SH3BP4: variants seen among roughly 807,000 people sequenced by gnomAD.
SH3BP4 encodes the protein SH3 domain binding protein 4.
A neutral mutation model predicts 65.5 loss-of-function variants in SH3BP4; 33 were observed. The ratio of observed to expected loss-of-function variants is 0.50; its 90% CI spans 0.38 to 0.67. The LOEUF (loss-of-function observed/expected upper bound fraction) is 0.67. Ranked by LOEUF, SH3BP4 falls within the 30% of genes least tolerant of loss-of-function variation. The pLI is 0.00. For missense variants in SH3BP4, 1,134 were observed against 1,261.4 expected (o/e 0.90, Z 1.53); for synonymous variants, 552 against 545.5 (o/e 1.01, Z -0.17).
At position 235,053,708 on chromosome 2, in the gene SH3BP4, C is replaced by G. The variant is rs1574855714; in HGVS notation, c.2784C>G (p.Ile928Met). 6.2e-7 allele frequency: 1 copy of G among 1,614,206 alleles called. No individual in the cohort carries two copies. Among genetic ancestry groups the G allele is most frequent in the African/African-American group, 1.3e-5 (1 of 75,066 alleles). ...HLGLDKMKNP[I>M]TKRWKHLTGT... is the part of the protein sequence containing the mutation. ...GCCTGGACAAGATGAAAAACCCCAT[C>G]ACCAAGCGCTGGAAGCACCTCACTG... The change falls in exon 6 of 6, where the codon ATC (isoleucine) becomes ATG (methionine). Residue 928 changes from isoleucine (I) to methionine (M), a missense_variant. By Grantham distance (10) the Ile-to-Met change is conservative. Coordinates refer to ENST00000392011, the MANE Select transcript of SH3BP4 (RefSeq NM_014521.3).
At chr2:235,001,977 C>T (rs1286382195) in intron 2 of SH3BP4, among the ~76,000 whole-genome samples, 1 of 152,204 alleles carries the variant, frequency 6.6e-6, no homozygotes, top group Non-Finnish European at 1.5e-5. Context: ...TCTCCTGCCT[C>T]AGACTCCAGA....
At chr2:235,000,121 G>A (rs766757192) in intron 2 of SH3BP4, among the ~76,000 whole-genome samples, 6 of 152,328 alleles carry the variant, frequency 3.9e-5, no homozygotes, top group Middle Eastern at 3.4e-3. Flanking sequence ...GCCAGGCAGC[G>A]ACAGCCACTG....
At position 235,043,075 on chromosome 2, in the gene SH3BP4, G is replaced by C; in HGVS notation, c.2306G>C (p.Trp769Ser). 6.2e-7 allele frequency: 1 copy of C among 1,613,356 alleles called. No individual in the cohort carries two copies. Among genetic ancestry groups the C allele is most frequent in the Non-Finnish European group, 8.5e-7 (1 of 1,179,750 alleles). The change falls in exon 4 of 6, where the codon TGG becomes TCG. Residue 769 changes from tryptophan (W) to serine (S), a missense_variant. Physicochemically the swap from Trp to Ser is radical, Grantham distance 177. Transcript: ENST00000392011. ...CTGCTCATGGAGAACATCAGCAGCT[G>C]GCGCTCCTTCGCTGACGCCCTGGGC... The part of the protein sequence containing the change: ...RTLLMENISS[W>S]RSFADALGYV...
rs191816775 is a variant in SH3BP4, at chr2:234,962,770, G to T, written c.-207+10600G>T. ...TGCTTTTTTTTTTTGAGACTTTTTAGGCTGGAGTGCAGTGATGTAATCTCA... is the reference window on the plus strand; with the variant it reads ...TGCTTTTTTTTTTTGAGACTTTTTATGCTGGAGTGCAGTGATGTAATCTCA... On this transcript the variant is annotated intron_variant, in intron 1 of 5. Transcript: ENST00000392011. Among the ~76,000 whole-genome samples the T allele has an allele frequency of 4.5e-3, 686 of 150,974 alleles. 6 individuals are homozygous for T. The highest frequency in any genetic ancestry group is 0.015 in the African/African-American group (634 of 41,008).
chr2:235,016,330 G>A (rs1694683051), intron 2 of SH3BP4, among the ~76,000 whole-genome samples: 1 of 152,156 alleles, frequency 6.6e-6, no homozygotes, highest in African/African-American at 2.4e-5. Flanking sequence ...TGGAAGGCCA[G>A]GCAATTTTCC....
At position 234,952,031 on chromosome 2, in the gene SH3BP4, T is replaced by C. The variant is rs1692478545; in HGVS notation, c.-346T>C. On this transcript the variant is annotated 5_prime_UTR_variant, in exon 1 of 6. Coordinates refer to ENST00000392011, the MANE Select transcript of SH3BP4 (RefSeq NM_014521.3). This position sits in a 1 kb window ranked among gnomAD's most constrained non-coding sequence, Gnocchi z 6.5. ...GGCGGGGGCCCAGCGCGCCCGGCACTCTCGGCGGTCCGGGCCCCTCGCCAC... is the reference window on the plus strand; with the variant it reads ...GGCGGGGGCCCAGCGCGCCCGGCACCCTCGGCGGTCCGGGCCCCTCGCCAC... 1 of 141,714 alleles carries C rather than the reference T, an allele frequency of 7.1e-6. No homozygotes were observed. The highest frequency in any genetic ancestry group is 1.9e-4 in the South Asian group (1 of 5,350). The allele number at this position is 141,714 out of a possible 1,614,324, so 8.8% of individuals were successfully genotyped here.
intron 1 of SH3BP4, among the ~76,000 whole-genome samples, chr2:234,980,323 A>G (rs1240204948): frequency 6.6e-6 from 1 of 152,224 alleles, no homozygotes; most frequent in East Asian, 1.9e-4. Context: ...ACAATAATGA[A>G]TAATAAAATA....
chr2:234,993,616 C>T (rs1036666631), intron 1 of SH3BP4, among the ~76,000 whole-genome samples: 30 of 152,222 alleles, frequency 2.0e-4, no homozygotes, highest in African/African-American at 7.2e-4. Context: ...ATGAAGCCAG[C>T]CTCATTCGTA....
At chr2:234,969,272 C>T (rs1051316145) in intron 1 of SH3BP4, among the ~76,000 whole-genome samples, 3 of 152,162 alleles carry the variant, frequency 2.0e-5, no homozygotes, top group African/African-American at 4.8e-5. Flanking sequence ...TTTGTACGTT[C>T]GGTGCTCTGA....
At chr2:234,955,484 G>A (rs536115082) in intron 1 of SH3BP4, among the ~76,000 whole-genome samples, 2 of 152,236 alleles carry the variant, frequency 1.3e-5, no homozygotes, top group African/African-American at 2.4e-5. Flanking sequence ...GGGCGTCCAC[G>A]TGTTACATAA....
intron 2 of SH3BP4, among the ~76,000 whole-genome samples, chr2:235,016,563 A>G: frequency 6.6e-6 from 1 of 151,964 alleles, no homozygotes; most frequent in East Asian, 1.9e-4. Context: ...GCTGGAGTAC[A>G]GTGGCGTAAT....
chr2:235,047,360 T>A (rs1182799536), intron 4 of SH3BP4, among the ~76,000 whole-genome samples: 1 of 152,152 alleles, frequency 6.6e-6, no homozygotes, highest in Non-Finnish European at 1.5e-5. Context: ...CCCTGATGCG[T>A]CAGAGGCGAA....
chr2:235,007,592 A>C (rs905123690), intron 2 of SH3BP4, among the ~76,000 whole-genome samples: 2 of 152,184 alleles, frequency 1.3e-5, no homozygotes, highest in African/African-American at 4.8e-5. Flanking sequence ...GGTTTTCCAG[A>C]GAGTTTGCTG....
rs549695210 is a variant in SH3BP4 at position 235,027,572 on chromosome 2, C to T, written c.-132-7299C>T. Among the ~76,000 whole-genome samples the T allele has an allele frequency of 4.6e-5, 7 of 152,288 alleles. No individual in the cohort carries two copies. The South Asian group carries it at 6.2e-4, about 14-fold the overall frequency. ...ATTACAGAGAGCAGGTGGAATCTCCCGCTTTTTGTTTTCTAACCCGGAGGA... is the reference window on the plus strand; with the variant it reads ...ATTACAGAGAGCAGGTGGAATCTCCTGCTTTTTGTTTTCTAACCCGGAGGA... On this transcript the variant is annotated intron_variant, in intron 2 of 5. Coordinates refer to ENST00000392011, the MANE Select transcript of SH3BP4 (RefSeq NM_014521.3).
intron 4 of SH3BP4, among the ~76,000 whole-genome samples, chr2:235,050,818 G>A (rs918636321): frequency 6.6e-6 from 1 of 152,110 alleles, no homozygotes; most frequent in Non-Finnish European, 1.5e-5. Flanking sequence ...AAAGAGCGCC[G>A]GTACCAGCGG....
At chr2:235,031,241 T>A (rs1186727086) in intron 2 of SH3BP4, among the ~76,000 whole-genome samples, 1 of 152,120 alleles carries the variant, frequency 6.6e-6, no homozygotes, top group Non-Finnish European at 1.5e-5. Flanking sequence ...TTGAATGGTT[T>A]CCTCTATGGG....
rs1695146629 is a variant in SH3BP4 at position 235,030,437 on chromosome 2, C to T, written c.-132-4434C>T. On this transcript the variant is annotated intron_variant, in intron 2 of 5. Coordinates refer to ENST00000392011, the MANE Select transcript of SH3BP4 (RefSeq NM_014521.3). This position sits in a 1 kb window ranked among gnomAD's most constrained non-coding sequence, Gnocchi z 4.1. ...AGTCTGGTACCTGCTGCCTAGGGCC[C>T]TTGAGGACGCAGTGGGATGGTGCCT... Among the ~76,000 whole-genome samples the T allele has an allele frequency of 2.0e-5, 3 of 152,298 alleles. No homozygotes were observed. In the South Asian group the frequency reaches 6.2e-4, roughly 32 times the overall value.
intron 1 of SH3BP4, among the ~76,000 whole-genome samples, chr2:234,964,040 A>G (rs1317821098): frequency 1.3e-5 from 2 of 152,168 alleles, no homozygotes; most frequent in Non-Finnish European, 2.9e-5. Flanking sequence ...TGTCTCCTGT[A>G]GTTTTGCACA....
intron 1 of SH3BP4, among the ~76,000 whole-genome samples, chr2:234,975,903 G>T (rs890876349): frequency 6.6e-6 from 1 of 152,134 alleles, no homozygotes; most frequent in African/African-American, 2.4e-5. Flanking sequence ...AATAAAAGTA[G>T]TTTGACCAGG....
Sources: gnomAD v4.1 joint callset for allele counts (sites outside exome capture counted in the v4.1 genomes callset) on GRCh38, gnomAD v4.1.1 for gene constraint, Gnocchi (gnomAD v3.1) non-coding constraint, MANE v1.5 for transcripts, NCBI Gene and HGNC (gene_info 2026-07-23, HGNC 2026-07-21) for gene names.